Variants in EFTUD2 observed in about 807,000 individuals in gnomAD.
The protein encoded by EFTUD2 is elongation factor Tu GTP binding domain containing 2, also known as 116 kDa U5 small nuclear ribonucleoprotein component.
In EFTUD2, 9 loss-of-function variants were observed where a neutral mutation model predicts 114.3. That is an observed-to-expected ratio of 0.08 (90% CI 0.05 to 0.14). The LOEUF is 0.14. Ranked by LOEUF, EFTUD2 falls within the 10% of genes least tolerant of loss-of-function variation. The pLI is 1.00. For synonymous variants in EFTUD2, 449 were observed against 462.3 expected (o/e 0.97, Z 0.37); for missense variants, 765 against 1,241.2 (o/e 0.62, Z 5.76).
intron 11 of EFTUD2, among the ~76,000 whole-genome samples, chr17:44,871,628 C>T (rs142099788): frequency 0.028 from 4,257 of 152,110 alleles, 204 homozygotes; most frequent in African/African-American, 0.095. Context: ...CGTGAGCCAC[C>T]GCGCCTGGCC....
intron 15 of EFTUD2, 46 bp from the exon 16 acceptor site, chr17:44,862,952 G>A (rs1301728646): frequency 3.3e-6 from 5 of 1,527,326 alleles, no homozygotes; most frequent in Non-Finnish European, 3.6e-6. Context: ...CTATGCTCCG[G>A]GGAAGTACTA....
chr17:44,888,992 C>A (rs992418298), intron 2 of EFTUD2, among the ~76,000 whole-genome samples: 1 of 152,010 alleles, frequency 6.6e-6, no homozygotes, highest in Non-Finnish European at 1.5e-5. Flanking sequence ...ACAGAGAAGA[C>A]GTCTGAGGAA....
intron 13 of EFTUD2, 99 bp from the exon 14 acceptor site, chr17:44,865,164 T>C: frequency 6.7e-7 from 1 of 1,502,162 alleles, no homozygotes; most frequent in Non-Finnish European, 9.0e-7. Context: ...AAGAACTCCT[T>C]CACAAGGCTC....
intron 7 of EFTUD2, among the ~76,000 whole-genome samples, chr17:44,881,342 T>C (rs1040761144): frequency 2.0e-5 from 3 of 152,246 alleles, no homozygotes; most frequent in Non-Finnish European, 4.4e-5. Context: ...ATCCTGCGGA[T>C]TTTTAAAGGA....
At chr17:44,856,092 C>T (rs1177244951) in intron 20 of EFTUD2, among the ~76,000 whole-genome samples, 1 of 131,290 alleles carries the variant, frequency 7.6e-6, no homozygotes, top group Non-Finnish European at 1.5e-5. Context: ...GGTGGCACCA[C>T]TGTACTCCAG....
chr17:44,861,430 G>C (rs1234732703), intron 16 of EFTUD2, among the ~76,000 whole-genome samples: 1 of 78,292 alleles, frequency 1.3e-5, no homozygotes, highest in African/African-American at 5.9e-5. Flanking sequence ...GGCTGACAGA[G>C]AGAAAAAAAA....
chr17:44,897,529 T>A (rs2051411981), intron 1 of EFTUD2, among the ~76,000 whole-genome samples: 1 of 152,238 alleles, frequency 6.6e-6, no homozygotes, highest in Non-Finnish European at 1.5e-5. Flanking sequence ...CAACTGTTTT[T>A]GCATGGTCCT....
chr17:44,860,412 G>A lies in EFTUD2; in HGVS notation c.1719+20C>T, dbSNP rs567178114. Reference sequence around the variant, plus strand: ...CCATCTAGCTTAAGCCAACCCAGTTGGTCTCTTCAGAAACTCTACCTCCTC... The same window carrying A: ...CCATCTAGCTTAAGCCAACCCAGTTAGTCTCTTCAGAAACTCTACCTCCTC... On this transcript the variant is annotated intron_variant, in intron 17 of 27. Transcript: ENST00000426333. 13 of 1,570,220 alleles carry A rather than the reference G, an allele frequency of 8.3e-6. No individual in the cohort carries two copies. The South Asian group carries it at 1.1e-4, about 13-fold the overall frequency.
At position 44,851,162 on chromosome 17, in the gene EFTUD2, A is replaced by T. The variant is rs2050440449; in HGVS notation, c.*112T>A. The T allele has an allele frequency of 1.2e-6, 1 of 855,412 alleles. No individual in the cohort carries two copies. Among genetic ancestry groups the T allele is most frequent in the African/African-American group, 1.7e-5 (1 of 60,258 alleles). 53.0% of individuals were successfully genotyped at this position (855,412 alleles called of 1,614,324 possible). ...GTGAGTTGTTCAAGATGGCAACAGC[A>T]GCTTCCAGACACTCTCTGACAACAC... On this transcript the variant is annotated 3_prime_UTR_variant, in exon 28 of 28. Coordinates refer to ENST00000426333, the MANE Select transcript of EFTUD2 (RefSeq NM_004247.4).
Position 44,883,122 on chromosome 17 carries a change from G to T in EFTUD2, c.463C>A (p.Pro155Thr). Residue 155 changes from proline (P) to threonine (T), a missense_variant, in exon 6 of 28, where the codon CCG becomes ACG. Around this residue, in one of 6 missense-constraint regions of EFTUD2, gnomAD observed 251 missense variants for 357.7 expected, o/e 0.70. Transcript: ENST00000426333. Reference sequence around the variant, plus strand: ...TGGTCATAGCGCTTTCTGATTTCCGGGTGAGTCTGTTCAATTAAACAATCC... The same window carrying T: ...TGGTCATAGCGCTTTCTGATTTCCGTGTGAGTCTGTTCAATTAAACAATCC... ...FVDCLIEQTH[P>T]EIRKRYDQDL... is the part of the protein sequence containing the mutation. The T allele has an allele frequency of 6.2e-7, 1 of 1,614,046 alleles. No homozygotes were observed.
intron 6 of EFTUD2, 70 bp downstream of exon 6, chr17:44,883,023 A>G (rs1343412338): frequency 2.8e-5 from 42 of 1,478,716 alleles, no homozygotes; most frequent in Non-Finnish European, 3.5e-5. Flanking sequence ...AGGGTGAAGG[A>G]AGGAGGAGAG....
At chr17:44,895,445 G>C (rs1476158869) in intron 1 of EFTUD2, among the ~76,000 whole-genome samples, 1 of 147,970 alleles carries the variant, frequency 6.8e-6, no homozygotes, top group Non-Finnish European at 1.5e-5. Flanking sequence ...GCAGTGAGGC[G>C]AGATGGCACC....
At chr17:44,877,014 C>A (rs544010904) in intron 9 of EFTUD2, among the ~76,000 whole-genome samples, 2 of 151,550 alleles carry the variant, frequency 1.3e-5, no homozygotes, top group African/African-American at 4.9e-5. Flanking sequence ...GGCAACAGAG[C>A]GAGACCCCAT....
rs147945146 is a variant in EFTUD2 at position 44,854,018 on chromosome 17, C to T, written c.2347+251G>A. 16 of 1,361,610 alleles carry T rather than the reference C, an allele frequency of 1.2e-5. No homozygotes were observed. Among genetic ancestry groups the T allele is most frequent in the East Asian group, 8.3e-5 (3 of 36,360 alleles). The allele number at this position is 1,361,610 out of a possible 1,614,324, so 84.3% of individuals were successfully genotyped here. ...TCCTCTTGATATCTCTTCTCAAATA[C>T]GTCCAACGCCAAACCCTTCTCAGAA... On this transcript the variant is annotated intron_variant, in intron 23 of 27. Coordinates refer to ENST00000426333, the MANE Select transcript of EFTUD2 (RefSeq NM_004247.4). This position sits in a 1 kb window ranked among gnomAD's most constrained non-coding sequence, Gnocchi z 4.3.
intron 7 of EFTUD2, 62 bp from the exon 8 acceptor site, chr17:44,880,706 G>C (rs1166197636): frequency 7.3e-7 from 1 of 1,377,984 alleles, no homozygotes; most frequent in Admixed American, 1.7e-5. Flanking sequence ...TTTTGTTTTT[G>C]GGGCTCCCCA....
At chr17:44,861,482 C>A (rs1033003252) in intron 16 of EFTUD2, among the ~76,000 whole-genome samples, 1 of 151,264 alleles carries the variant, frequency 6.6e-6, no homozygotes, top group African/African-American at 2.4e-5. Flanking sequence ...ACCTATAATC[C>A]CAGCACTTTG....
intron 12 of EFTUD2, 151 bp from the exon 13 acceptor site, chr17:44,868,048 A>G: frequency 9.0e-6 from 8 of 887,440 alleles, no homozygotes; most frequent in Non-Finnish European, 1.4e-5. Flanking sequence ...TCCTGGAAGG[A>G]TACATGGTTA....
chr17:44,854,376 C>T lies in EFTUD2; in HGVS notation c.2260-20G>A. 1 of 1,610,536 alleles carries T rather than the reference C, an allele frequency of 6.2e-7. No individual in the cohort carries two copies. Among genetic ancestry groups the T allele is most frequent in the Non-Finnish European group, 8.5e-7 (1 of 1,178,412 alleles). On this transcript the variant is annotated intron_variant, in intron 22 of 27. Coordinates refer to ENST00000426333, the MANE Select transcript of EFTUD2 (RefSeq NM_004247.4). This position sits in a 1 kb window ranked among gnomAD's most constrained non-coding sequence, Gnocchi z 4.3. ...GTCCACCTATAGAGAAACATGAGGC[C>T]TCCTTAGCAGTCGCCCTGGCAACGG... is the stretch of plus-strand genomic sequence containing the variant.
At chr17:44,893,769 G>A (rs1236739680) in intron 2 of EFTUD2, among the ~76,000 whole-genome samples, 2 of 21,660 alleles carry the variant, frequency 9.2e-5, no homozygotes. Context: ...AAAAAAGGTG[G>A]GGGGGGGGGT....
Sources: allele counts gnomAD v4.1 joint callset (sites outside exome capture counted in the v4.1 genomes callset), GRCh38; gene constraint gnomAD v4.1.1; regional missense constraint gnomAD v4.1.1; non-coding constraint Gnocchi (gnomAD v3.1); transcripts MANE v1.5; gene names NCBI Gene and HGNC (gene_info 2026-07-23, HGNC 2026-07-21).